POF1B: variants seen among roughly 807,000 people sequenced by gnomAD.
POF1B encodes POF1B actin binding protein, also known as protein POF1B.
Under a neutral mutation model 55.3 loss-of-function variants are expected in POF1B, and 53 were observed. The observed-to-expected ratio is 0.96, with a 90% CI of 0.77 to 1.20. POF1B has a LOEUF of 1.20. POF1B is among the 50% of genes most tolerant of loss of function. The pLI is 0.00. For missense variants in POF1B, 478 were observed against 420.5 expected, an observed-to-expected ratio of 1.14 and a Z score of -1.20; for synonymous variants, 188 against 148.3, an observed-to-expected ratio of 1.27 and a Z score of -1.95.
At chrX:85,292,829 GA>G (rs892785960) in intron 15 of POF1B, among the ~76,000 whole-genome samples, 1 of 96,774 alleles carries the variant, frequency 1.0e-5, no homozygotes, top group African/African-American at 4.2e-5. Flanking sequence ...AAGTTTACAA[GA>G]AAAAAAACAA....
At chrX:85,305,658 A>C in intron 13 of POF1B, 133 bp downstream of exon 13, 1 of 631,024 alleles carries the variant, frequency 1.6e-6, no homozygotes, top group Admixed American at 3.7e-5. Context: ...TTTAAAACAA[A>C]TGAATACATG....
At chrX:85,289,605 G>A (rs1273065369) in intron 15 of POF1B, among the ~76,000 whole-genome samples, 1 of 111,406 alleles carries the variant, frequency 9.0e-6, no homozygotes, top group South Asian at 3.7e-4. Flanking sequence ...ATTCAAGCCC[G>A]GGGGCATCCC....
chrX:85,325,398 T>C (rs55665786), intron 7 of POF1B, among the ~76,000 whole-genome samples: 47 of 112,239 alleles, frequency 4.2e-4, no homozygotes, highest in Non-Finnish European at 8.1e-4. Flanking sequence ...TTGTTCTTTT[T>C]CTCTGAGTTA....
chrX:85,308,934 TC>T (rs1315417452), intron 9 of POF1B, among the ~76,000 whole-genome samples: 2 of 111,409 alleles, frequency 1.8e-5, no homozygotes, highest in Non-Finnish European at 3.8e-5. Flanking sequence ...AGCCTTGGCC[TC>T]CTAAAGTGCT....
At chrX:85,301,886 G>A (rs1932467392) in intron 15 of POF1B, among the ~76,000 whole-genome samples, 1 of 111,679 alleles carries the variant, frequency 9.0e-6, no homozygotes, top group Non-Finnish European at 1.9e-5. Flanking sequence ...ATACAACCAT[G>A]TGTGGTTTAC....
At chrX:85,291,568 A>C (rs1406754780) in intron 15 of POF1B, among the ~76,000 whole-genome samples, 1 of 112,078 alleles carries the variant, frequency 8.9e-6, no homozygotes, top group Non-Finnish European at 1.9e-5. Flanking sequence ...ATCCATAAGC[A>C]TGGAATCATT....
chrX:85,362,702 T>C (rs1233874035), intron 3 of POF1B, among the ~76,000 whole-genome samples: 2 of 111,492 alleles, frequency 1.8e-5, no homozygotes, highest in Non-Finnish European at 3.8e-5. Context: ...CCTGAAGCTT[T>C]CTCTTTTTTT....
intron 15 of POF1B, among the ~76,000 whole-genome samples, chrX:85,298,393 G>A (rs976005668): frequency 1.8e-5 from 2 of 111,507 alleles, no homozygotes; most frequent in Non-Finnish European, 3.8e-5. Flanking sequence ...ATCTCTTGTA[G>A]CTAGGATGCC....
intron 6 of POF1B, among the ~76,000 whole-genome samples, chrX:85,334,500 T>C (rs1055240465): frequency 3.6e-5 from 4 of 111,472 alleles, no homozygotes; most frequent in African/African-American, 1.3e-4. Flanking sequence ...ATCAATGAAG[T>C]ACGTTTAATC....
At chrX:85,337,036 A>C (rs1052303593) in intron 6 of POF1B, among the ~76,000 whole-genome samples, 1 of 111,780 alleles carries the variant, frequency 8.9e-6, no homozygotes, top group African/African-American at 3.2e-5. Context: ...TTCCCAGCAC[A>C]GTTTGTGGAA....
chrX:85,291,072 T>C (rs539124624), intron 15 of POF1B, among the ~76,000 whole-genome samples: 3 of 112,265 alleles, frequency 2.7e-5, no homozygotes, highest in African/African-American at 9.7e-5. Context: ...TTTTGGAGTT[T>C]ACATTTAAGT....
chrX:85,339,550 G>A (rs77508367), intron 6 of POF1B, among the ~76,000 whole-genome samples: 2,166 of 111,079 alleles, frequency 0.019, 20 homozygotes, highest in Non-Finnish European at 0.034. Flanking sequence ...ACAAAATGAG[G>A]GTCAAGAAAA....
At chrX:85,372,086 T>A (rs1263862997) in intron 2 of POF1B, among the ~76,000 whole-genome samples, 1 of 111,616 alleles carries the variant, frequency 9.0e-6, no homozygotes, top group African/African-American at 3.3e-5. Context: ...GGCTCACGCC[T>A]GTAATCCCAG....
At chrX:85,298,242 G>A (rs1003994284) in intron 15 of POF1B, among the ~76,000 whole-genome samples, 14 of 112,343 alleles carry the variant, frequency 1.2e-4, no homozygotes, top group South Asian at 3.7e-4. Flanking sequence ...GAGCCTTGGG[G>A]GAATGGGTGC....
chrX:85,377,158 G>C (rs941161233), intron 2 of POF1B, among the ~76,000 whole-genome samples: 1 of 111,608 alleles, frequency 9.0e-6, no homozygotes, highest in African/African-American at 3.2e-5. Flanking sequence ...TGTACTGCTT[G>C]CTCATGCCTG....
intron 5 of POF1B, 108 bp downstream of exon 5, chrX:85,351,242 A>G (rs1933380259): frequency 4.3e-6 from 2 of 460,066 alleles, no homozygotes; most frequent in Non-Finnish European, 7.3e-6. Flanking sequence ...ATTATAACTC[A>G]TGGTGGTCTT....
chrX:85,286,948 T>C (rs1244601200), intron 15 of POF1B, among the ~76,000 whole-genome samples: 1 of 110,946 alleles, frequency 9.0e-6, no homozygotes, highest in Non-Finnish European at 1.9e-5. Context: ...AGTAAATATA[T>C]AGATGAAATC....
chrX:85,356,498 C>A (rs1351683508), intron 4 of POF1B, among the ~76,000 whole-genome samples: 2 of 109,098 alleles, frequency 1.8e-5, no homozygotes, highest in South Asian at 3.9e-4. Flanking sequence ...TAGGCACTAA[C>A]GATGTTGATT....
At chrX:85,336,539 T>C (rs970430454) in intron 6 of POF1B, among the ~76,000 whole-genome samples, 1 of 111,479 alleles carries the variant, frequency 9.0e-6, no homozygotes, top group African/African-American at 3.3e-5. Flanking sequence ...AGTTTTGATT[T>C]GCATTTCTCT....
Sources: allele counts gnomAD v4.1 joint callset (sites outside exome capture counted in the v4.1 genomes callset), GRCh38; gene constraint gnomAD v4.1.1; transcripts MANE v1.5; gene names NCBI Gene and HGNC (gene_info 2026-07-23, HGNC 2026-07-21).